Variants in CD34 observed in about 807,000 individuals in gnomAD.
The protein encoded by CD34 is CD34 molecule, also known as hematopoietic progenitor cell antigen CD34.
In CD34, 34 loss-of-function variants were observed where a neutral mutation model predicts 40.1. That is an observed-to-expected ratio of 0.85 (90% CI 0.65 to 1.13). The LOEUF is 1.13. CD34 is among the 50% of genes most tolerant of loss of function. The pLI is 0.00. For synonymous variants in CD34, 209 were observed against 190.0 expected, an observed-to-expected ratio of 1.10 and a Z score of -0.82; for missense variants, 426 against 466.9, an observed-to-expected ratio of 0.91 and a Z score of 0.81.
In CD34 at chr1:207,900,008, A is replaced by G. The variant is rs1234163935; in HGVS notation, c.80-5T>C. The G allele has an allele frequency of 6.3e-7, 1 of 1,597,242 alleles. No individual in the cohort carries two copies. Among genetic ancestry groups the G allele is most frequent in the Admixed American group, 1.8e-5 (1 of 57,090 alleles). On this transcript the variant is annotated splice_polypyrimidine_tract_variant and splice_region_variant and intron_variant, in intron 1 of 7. Coordinates refer to ENST00000310833, the MANE Select transcript of CD34 (RefSeq NM_001025109.2). ...CAAGACTCATGAACCCAGAAGCTAT[A>G]GGGAAACGAGGAGGAAGAATCAGAA...
At chr1:207,909,346 G>C (rs1662452066) in intron 1 of CD34, among the ~76,000 whole-genome samples, 1 of 152,100 alleles carries the variant, frequency 6.6e-6, no homozygotes, top group Non-Finnish European at 1.5e-5. Flanking sequence ...AAGGAGAATG[G>C]AGCATCTGAT....
intron 4 of CD34, among the ~76,000 whole-genome samples, chr1:207,894,204 G>A (rs754712277): frequency 6.6e-6 from 1 of 152,184 alleles, no homozygotes; most frequent in African/African-American, 2.4e-5. Flanking sequence ...ACTTACAATG[G>A]AATATCATTC....
intron 5 of CD34, 51 bp downstream of exon 5, chr1:207,889,414 T>A: frequency 6.4e-7 from 1 of 1,568,038 alleles, no homozygotes. Flanking sequence ...CAGGATTCTC[T>A]AACCTCAGCC....
chr1:207,883,579 C>G lies in CD34; in HGVS notation c.*4159G>C, dbSNP rs776259665. 7.2e-5 allele frequency: 11 copies of G among 152,178 alleles called. No individual in the cohort carries two copies. Among genetic ancestry groups the G allele is most frequent in the Non-Finnish European group, 1.2e-4 (8 of 68,036 alleles). The allele number at this position is 152,178 out of a possible 1,614,324, so 9.4% of individuals were successfully genotyped here. ...TCTGCCACTGTGCACGTAACACAGT[C>G]CCTTGTTATTCTCTGAGTTTCAGTT... On this transcript the variant is annotated 3_prime_UTR_variant, in exon 8 of 8. Coordinates refer to ENST00000310833, the MANE Select transcript of CD34 (RefSeq NM_001025109.2).
Position 207,889,349 on chromosome 1 carries a change from G to C in CD34, c.754+116C>G, listed in dbSNP as rs1661980502. On this transcript the variant is annotated intron_variant, in intron 5 of 7. Coordinates refer to ENST00000310833, the MANE Select transcript of CD34 (RefSeq NM_001025109.2). ...GGGGACCGCTCCCAAAGCCAGCCAA[G>C]TCCTTCTCCCCAGCACCTGTGGTCT... The C allele has an allele frequency of 2.0e-6, 3 of 1,537,852 alleles. No homozygotes were observed. The East Asian group carries it at 6.8e-5, about 35-fold the overall frequency.
At position 207,882,608 on chromosome 1, in the gene CD34, T is replaced by C. The variant is rs1661828580; in HGVS notation, c.*5130A>G. The C allele has an allele frequency of 6.6e-6, 1 of 152,214 alleles. No homozygotes were observed. The highest frequency in any genetic ancestry group is 1.5e-5 in the Non-Finnish European group (1 of 68,040). The allele number at this position is 152,214 out of a possible 1,614,324, so 9.4% of individuals were successfully genotyped here. On this transcript the variant is annotated 3_prime_UTR_variant, in exon 8 of 8. Transcript: ENST00000310833. ...GCTTTAATGAGCAATTGCAGCATGC[T>C]TGAAACAAAAGAACAGAAACACTCA...
In CD34 at chr1:207,884,292, A is replaced by G. The variant is rs1337678624; in HGVS notation, c.*3446T>C. ...CCAACCATTATTCTCAATATATTTT[A>G]TGTTTTTCATAGCTCTCAATCCTGA... On this transcript the variant is annotated 3_prime_UTR_variant, in exon 8 of 8. Coordinates refer to ENST00000310833, the MANE Select transcript of CD34 (RefSeq NM_001025109.2). 6.6e-6 allele frequency: 1 copy of G among 152,258 alleles called. No individual in the cohort carries two copies. The highest frequency in any genetic ancestry group is 6.5e-5 in the Admixed American group (1 of 15,288). The allele number at this position is 152,258 out of a possible 1,614,324, so 9.4% of individuals were successfully genotyped here. A position where few individuals can be genotyped will look rare whatever the true frequency, so the allele number is the denominator to read the frequency against.
intron 4 of CD34, among the ~76,000 whole-genome samples, chr1:207,892,173 A>T (rs747106751): frequency 1.3e-5 from 2 of 152,228 alleles, no homozygotes; most frequent in Non-Finnish European, 2.9e-5. Context: ...CAGACTGGGC[A>T]TCAATCCTTA....
chr1:207,901,183 GA>G (rs1662265508), intron 1 of CD34, among the ~76,000 whole-genome samples: 1 of 152,036 alleles, frequency 6.6e-6, no homozygotes, highest in African/African-American at 2.4e-5. Flanking sequence ...ATCCTCATTA[GA>G]CACAGGAAGG....
At chr1:207,900,315 TA>T (rs1662247919) in intron 1 of CD34, among the ~76,000 whole-genome samples, 1 of 152,158 alleles carries the variant, frequency 6.6e-6, no homozygotes, top group Non-Finnish European at 1.5e-5. Flanking sequence ...CCATAATCAT[TA>T]TATAATCATA....
Position 207,887,444 on chromosome 1 carries a change from A to C in CD34, c.*294T>G. On this transcript the variant is annotated 3_prime_UTR_variant, in exon 8 of 8. Coordinates refer to ENST00000310833, the MANE Select transcript of CD34 (RefSeq NM_001025109.2). ...GGGTAGGGGAAGGGGGTCCTGTGTG[A>C]GTGCTGCAAGGCCATCGATTGTTCC... The C allele has an allele frequency of 5.8e-6, 2 of 343,504 alleles. No individual in the cohort carries two copies. Among genetic ancestry groups the C allele is most frequent in the East Asian group, 5.2e-5 (1 of 19,248 alleles). 21.3% of individuals were successfully genotyped at this position (343,504 alleles called of 1,614,324 possible).
At chr1:207,908,621 C>T (rs903425082) in intron 1 of CD34, among the ~76,000 whole-genome samples, 10 of 152,146 alleles carry the variant, frequency 6.6e-5, no homozygotes, top group African/African-American at 2.2e-4. Flanking sequence ...AGGATAGGGA[C>T]AGGCCTTGGA....
At position 207,899,974 on chromosome 1, in the gene CD34, C is replaced by T. The variant is rs759370976; in HGVS notation, c.109G>A (p.Gly37Ser). The T allele has an allele frequency of 1.2e-5, 20 of 1,612,264 alleles. No individual in the cohort carries two copies. The highest frequency in any genetic ancestry group is 1.7e-4 in the Middle Eastern group (1 of 6,046). ...PSGFMSLDNNGTATPELPTQG... is the reference protein window; with the variant it reads ...PSGFMSLDNNSTATPELPTQG... ...GTAGGTAACTCTGGGGTAGCAGTAC[C>T]GTTGTTGTCAAGACTCATGAACCCA... is the stretch of plus-strand genomic sequence containing the variant. The change falls in exon 2 of 8, where the codon GGT (glycine) becomes AGT (serine). Residue 37 changes from glycine (G) to serine (S), a missense_variant. Physicochemically the swap from Gly to Ser is moderately conservative, Grantham distance 56. Transcript: ENST00000310833.
rs1271318473 is a variant in CD34 at position 207,881,197 on chromosome 1, G to C, written c.*6541C>G. ...AAAGCATGATCCAAGGTCCTCTGGG[G>C]GTTCCCTAAAACATTTCCAAGTGGT... On this transcript the variant is annotated 3_prime_UTR_variant, in exon 8 of 8. Coordinates refer to ENST00000310833, the MANE Select transcript of CD34 (RefSeq NM_001025109.2). 1 of 152,014 alleles carries C rather than the reference G, an allele frequency of 6.6e-6. No individual in the cohort carries two copies. Among genetic ancestry groups the C allele is most frequent in the East Asian group, 1.9e-4 (1 of 5,200 alleles). 9.4% of individuals were successfully genotyped at this position (152,014 alleles called of 1,614,324 possible). A position where few individuals can be genotyped will look rare whatever the true frequency, so the allele number is the denominator to read the frequency against.
rs529148972 is a variant in CD34 at position 207,899,995 on chromosome 1, A to G, written c.88T>C (p.Phe30Leu). The G allele has an allele frequency of 1.9e-6, 3 of 1,608,528 alleles. No individual in the cohort carries two copies. Among genetic ancestry groups the G allele is most frequent in the Non-Finnish European group, 1.7e-6 (2 of 1,177,350 alleles). Residue 30 changes from phenylalanine to leucine, a missense_variant, in exon 2 of 8, where the codon TTC becomes CTC. Physicochemically the swap from Phe to Leu is conservative, Grantham distance 22. Coordinates refer to ENST00000310833, the MANE Select transcript of CD34 (RefSeq NM_001025109.2). ...LCLLSLLPSG[F>L]MSLDNNGTAT... ...GTACCGTTGTTGTCAAGACTCATGAACCCAGAAGCTATAGGGAAACGAGGA... is the reference window on the plus strand; with the variant it reads ...GTACCGTTGTTGTCAAGACTCATGAGCCCAGAAGCTATAGGGAAACGAGGA...
chr1:207,898,873 C>T, intron 3 of CD34, 100 bp downstream of exon 3: 1 of 1,281,840 alleles, frequency 7.8e-7, no homozygotes, highest in Admixed American at 1.8e-5. Flanking sequence ...ACCCAAATCC[C>T]ACTGGCAGGG....
chr1:207,891,378 G>A (rs948178395), intron 4 of CD34, among the ~76,000 whole-genome samples: 18 of 152,062 alleles, frequency 1.2e-4, no homozygotes, highest in Non-Finnish European at 1.8e-4. Flanking sequence ...TTGCATGTAC[G>A]GCAATTAAAA....
rs1171932615 is a variant in CD34 at position 207,881,171 on chromosome 1, C to T, written c.*6567G>A. ...GTAACATATCTAGAGCCGCGGTTCT[C>T]AAAGCATGATCCAAGGTCCTCTGGG... On this transcript the variant is annotated 3_prime_UTR_variant, in exon 8 of 8. Transcript: ENST00000310833. 1 of 152,166 alleles carries T rather than the reference C, an allele frequency of 6.6e-6. No homozygotes were observed. The allele number at this position is 152,166 out of a possible 1,614,324, so 9.4% of individuals were successfully genotyped here.
intron 5 of CD34, 52 bp from the exon 6 acceptor site, chr1:207,889,265 G>T (rs1349248455): frequency 6.2e-7 from 1 of 1,613,412 alleles, no homozygotes; most frequent in Non-Finnish European, 8.5e-7. Context: ...AGCTTATCCT[G>T]CTCCACCCTC....
Sources: gnomAD v4.1 joint callset for allele counts (sites outside exome capture counted in the v4.1 genomes callset) on GRCh38, gnomAD v4.1.1 for gene constraint, MANE v1.5 for transcripts, NCBI Gene and HGNC (gene_info 2026-07-23, HGNC 2026-07-21) for gene names.